Variants in DYNC1H1 observed in about 807,000 individuals in gnomAD.
DYNC1H1 encodes cytoplasmic dynein 1 heavy chain 1.
Under a neutral mutation model 527.1 loss-of-function variants are expected in DYNC1H1, and 51 were observed. The ratio of observed to expected loss-of-function variants is 0.10; its 90% CI spans 0.08 to 0.12. DYNC1H1 has a LOEUF of 0.12. Among genes scored for constraint, DYNC1H1 ranks in the 10% least tolerant of loss-of-function variants. DYNC1H1 has a pLI of 1.00. For missense variants in DYNC1H1, 2,771 were observed against 5,971.8 expected, an observed-to-expected ratio of 0.46 and a Z score of 17.66; for synonymous variants, 2,189 against 2,278.8, an observed-to-expected ratio of 0.96 and a Z score of 1.12.
At chr14:101,980,861 T>G (rs1566996854) in intron 5 of DYNC1H1, among the ~76,000 whole-genome samples, 1 of 152,212 alleles carries the variant, frequency 6.6e-6, no homozygotes, top group Non-Finnish European at 1.5e-5. Context: ...GGCTGTACAA[T>G]TGGCACAAAG....
rs2047663291 is a variant in DYNC1H1, at chr14:101,965,992, C to G, written c.256+1045C>G. Among the ~76,000 whole-genome samples the G allele has an allele frequency of 6.6e-6, 1 of 152,082 alleles. No individual in the cohort carries two copies. Among genetic ancestry groups the G allele is most frequent in the Admixed American group, 6.6e-5 (1 of 15,262 alleles). ...GGATTCATTACAACCACTTTGTAGCCCATTACAACCACTTTGGGTGTGGCG... is the reference window on the plus strand; with the variant it reads ...GGATTCATTACAACCACTTTGTAGCGCATTACAACCACTTTGGGTGTGGCG... On this transcript the variant is annotated intron_variant, in intron 1 of 77. Coordinates refer to ENST00000360184, the MANE Select transcript of DYNC1H1 (RefSeq NM_001376.5). This position sits in a 1 kb window ranked among gnomAD's most constrained non-coding sequence, Gnocchi z 4.1.
At position 101,985,908 on chromosome 14, in the gene DYNC1H1, G is replaced by A. The variant is rs1194411306; in HGVS notation, c.1683G>A (p.Glu561=). 6.2e-7 allele frequency: 1 copy of A among 1,614,124 alleles called. No homozygotes were observed. The highest frequency in any genetic ancestry group is 8.5e-7 in the Non-Finnish European group (1 of 1,180,054). The change falls in exon 8 of 78, where the codon GAG becomes GAA. Residue 561 remains glutamate (E), a synonymous_variant. Transcript: ENST00000360184. This position sits in a 1 kb window ranked among gnomAD's most constrained non-coding sequence, Gnocchi z 5.9. ...KRYDERIDRV[E]TRITARLRDQ... ...ACGATGAGAGGATCGACAGAGTGGAGACCCGGATCACCGCTCGCCTTCGGG... is the reference window on the plus strand; with the variant it reads ...ACGATGAGAGGATCGACAGAGTGGAAACCCGGATCACCGCTCGCCTTCGGG...
chr14:101,987,638 G>A lies in DYNC1H1; in HGVS notation c.2718+6G>A. On this transcript the variant is annotated splice_donor_region_variant and intron_variant, in intron 9 of 77. Transcript: ENST00000360184. ...TCAACAAGCTTGACATGGAGGTAAG[G>A]GATAGAATTTGCTAGCATTTTCCTC... The A allele has an allele frequency of 9.3e-6, 15 of 1,614,018 alleles. No individual in the cohort carries two copies. The highest frequency in any genetic ancestry group is 1.3e-5 in the Non-Finnish European group (15 of 1,180,004).
In DYNC1H1 at chr14:101,997,103, T is replaced by G; in HGVS notation, c.3633T>G (p.Ile1211Met). 6.2e-7 allele frequency: 1 copy of G among 1,614,250 alleles called. No homozygotes were observed. Among genetic ancestry groups the G allele is most frequent in the Non-Finnish European group, 8.5e-7 (1 of 1,180,050 alleles). ...AGTTCCCACCTTCCTGGCTTTATAT[T>G]GACAACATCGAGGGAGAGTGGGGAG... is the stretch of plus-strand genomic sequence containing the variant. Reference protein sequence around the residue: ...RFQFPPSWLYIDNIEGEWGAF... With the variant: ...RFQFPPSWLYMDNIEGEWGAF... Residue 1211 changes from isoleucine to methionine, a missense_variant, in exon 16 of 78, where the codon ATT becomes ATG. By Grantham distance (10) the Ile-to-Met change is conservative. This residue lies in a region of DYNC1H1 where 223 missense variants were observed against 462.5 expected (regional missense o/e 0.48). Transcript: ENST00000360184. The surrounding 1 kb of genome is among the most constrained non-coding windows in gnomAD (Gnocchi z 4.8).
intron 9 of DYNC1H1, 67 bp downstream of exon 9, chr14:101,987,699 G>A: frequency 3.2e-6 from 5 of 1,573,704 alleles, no homozygotes; most frequent in Non-Finnish European, 4.4e-6. Context: ...AAGCTTATTA[G>A]TTTGTCACTA....
chr14:101,991,750 G>A, intron 11 of DYNC1H1, 77 bp downstream of exon 11: 3 of 1,585,882 alleles, frequency 1.9e-6, no homozygotes, highest in Non-Finnish European at 2.6e-6. Flanking sequence ...TCTTCATGGT[G>A]CTTCTTTAGA....
At chr14:101,967,179 A>G (rs998407172) in intron 1 of DYNC1H1, among the ~76,000 whole-genome samples, 7 of 152,132 alleles carry the variant, frequency 4.6e-5, no homozygotes, top group Non-Finnish European at 1.0e-4. Flanking sequence ...CTTAGATATA[A>G]GTAGAGACCC....
intron 43 of DYNC1H1, among the ~76,000 whole-genome samples, chr14:102,026,246 A>T (rs1404344639): frequency 6.6e-6 from 1 of 152,110 alleles, no homozygotes; most frequent in Admixed American, 6.5e-5. Context: ...TGAGATTTTG[A>T]CTGGGATTAC....
rs1566991034 is a variant in DYNC1H1, at chr14:101,964,744, TGTC to T, written c.55_57del (p.Ser19del). 2.5e-6 allele frequency: 4 copies of T among 1,597,048 alleles called. No homozygotes were observed. The Admixed American group carries it at 5.1e-5, about 20-fold the overall frequency. On this transcript the variant is annotated inframe_deletion, in exon 1 of 78. Transcript: ENST00000360184. This position sits in a 1 kb window ranked among gnomAD's most constrained non-coding sequence, Gnocchi z 5.5. ...GAGGACGGCTCGGCCGGATTGGAAG[TGTC>T]GGCCGTGCAGAATGTGGCGGACGTG...
rs1339000930 is a variant in DYNC1H1, at chr14:102,039,193, A to G, written c.11399A>G (p.Gln3800Arg). Residue 3800 changes from glutamine (Q) to arginine (R), a missense_variant, in exon 60 of 78, where the codon CAG becomes CGG. Transcript: ENST00000360184. The surrounding 1 kb of genome is among the most constrained non-coding windows in gnomAD (Gnocchi z 7.0). ...CAGGAGGTGGAGACCGTGTCCCAGC[A>G]GTACCTCCCGCTCTCCACCGCCTGC... is the stretch of plus-strand genomic sequence containing the variant. ...VMQEVETVSQ[Q>R]YLPLSTACSS... is the part of the protein sequence containing the mutation. The G allele has an allele frequency of 6.2e-7, 1 of 1,614,164 alleles. No individual in the cohort carries two copies. The highest frequency in any genetic ancestry group is 1.7e-5 in the Admixed American group (1 of 60,018).
chr14:102,019,339 G>C (rs2048359598), intron 41 of DYNC1H1, among the ~76,000 whole-genome samples: 1 of 152,234 alleles, frequency 6.6e-6, no homozygotes, highest in African/African-American at 2.4e-5. Flanking sequence ...AGCCTCCCAT[G>C]GAGCCGCTGG....
intron 11 of DYNC1H1, 99 bp from the exon 12 acceptor site, chr14:101,994,085 G>A: frequency 1.3e-6 from 2 of 1,584,528 alleles, no homozygotes; most frequent in Non-Finnish European, 1.7e-6. Context: ...TTTTGGTCAT[G>A]AGCTTTTCTT....
intron 13 of DYNC1H1, 40 bp downstream of exon 13, chr14:101,994,889 G>T (rs746087067): frequency 6.2e-7 from 1 of 1,614,048 alleles, no homozygotes; most frequent in Non-Finnish European, 8.5e-7. Flanking sequence ...CACGGGTAGT[G>T]TAAAAGCAAC....
intron 7 of DYNC1H1, among the ~76,000 whole-genome samples, chr14:101,984,416 TGTGTG>T (rs1415709343): frequency 1.5e-5 from 2 of 135,882 alleles, no homozygotes; most frequent in Non-Finnish European, 3.1e-5. Flanking sequence ...TGTGTGTGTG[TGTGTG>T]TGTGTGTGTG....
At position 102,055,853 on chromosome 14, in the gene DYNC1H1, C is replaced by T. The variant is rs78157962; in HGVS notation, c.*5290C>T. On this transcript the variant is annotated 3_prime_UTR_variant, in exon 78 of 78. Transcript: ENST00000360184. Reference sequence around the variant, plus strand: ...CACTTCCCCGCCTGGCCCTGGGCCCCGCTATTCCATCTCAATCTCTGCCCT... The same window carrying T: ...CACTTCCCCGCCTGGCCCTGGGCCCTGCTATTCCATCTCAATCTCTGCCCT... 0.032 allele frequency: 4,830 copies of T among 152,560 alleles called. 84 individuals carry two copies. The highest frequency in any genetic ancestry group is 0.087 in the Middle Eastern group (26 of 298). 9.5% of individuals were successfully genotyped at this position (152,560 alleles called of 1,614,324 possible).
rs1486356001 is a variant in DYNC1H1 at position 102,049,280 on chromosome 14, C to T, written c.13373-160C>T. The T allele has an allele frequency of 1.1e-5, 11 of 977,430 alleles. No individual in the cohort carries two copies. The highest frequency in any genetic ancestry group is 4.3e-5 in the South Asian group (3 of 69,226). 60.5% of individuals were successfully genotyped at this position (977,430 alleles called of 1,614,324 possible). On this transcript the variant is annotated intron_variant, in intron 74 of 77. Coordinates refer to ENST00000360184, the MANE Select transcript of DYNC1H1 (RefSeq NM_001376.5). The surrounding 1 kb of genome is among the most constrained non-coding windows in gnomAD (Gnocchi z 5.5). Reference sequence around the variant, plus strand: ...TGAGCTAGAGCAGATGTGGTGAGGGCGGCGCCAGGGGCATAAAGTGCAGCC... The same window carrying T: ...TGAGCTAGAGCAGATGTGGTGAGGGTGGCGCCAGGGGCATAAAGTGCAGCC...
In DYNC1H1 at chr14:102,015,505, T is replaced by C. The variant is rs1477382987; in HGVS notation, c.7242+173T>C. 6.6e-6 allele frequency among the ~76,000 whole-genome samples: 1 copy of C among 152,182 alleles called. No homozygotes were observed. Among genetic ancestry groups the C allele is most frequent in the African/African-American group, 2.4e-5 (1 of 41,422 alleles). ...ATGAGTCACTGTACCCAGCCAACTT[T>C]TGTGTAATCAATGTTGTCTTCTGCC... is the stretch of plus-strand genomic sequence containing the variant. On this transcript the variant is annotated intron_variant, in intron 35 of 77. Transcript: ENST00000360184. The surrounding 1 kb of genome is among the most constrained non-coding windows in gnomAD (Gnocchi z 6.9).
rs758458056 is a variant in DYNC1H1, at chr14:102,054,564, C to CTTT, written c.*4021_*4023dup. 182 of 113,794 alleles carry CTTT rather than the reference C, an allele frequency of 1.6e-3. 1 individual carries two copies. Among genetic ancestry groups the CTTT allele is most frequent in the African/African-American group, 3.3e-3 (86 of 26,018 alleles). 7.0% of individuals were successfully genotyped at this position (113,794 alleles called of 1,614,324 possible). A position where few individuals can be genotyped will look rare whatever the true frequency, so the allele number is the denominator to read the frequency against. Reference sequence around the variant, plus strand: ...CATCACCAACAGAGCCTTTGCAGAACTTTTTTTTTTTTTTTTTTTTTTGAG... The same window carrying CTTT: ...CATCACCAACAGAGCCTTTGCAGAACTTTTTTTTTTTTTTTTTTTTTTTTTGAG... On this transcript the variant is annotated 3_prime_UTR_variant, in exon 78 of 78. Transcript: ENST00000360184.
In DYNC1H1 at chr14:102,039,483, G is replaced by T. The variant is rs372511563; in HGVS notation, c.11532G>T (p.Pro3844=). 1.9e-6 allele frequency: 3 copies of T among 1,614,196 alleles called. No homozygotes were observed. The highest frequency in any genetic ancestry group is 2.5e-6 in the Non-Finnish European group (3 of 1,180,046). The change falls in exon 61 of 78, where the codon CCG becomes CCT. Residue 3844 remains proline (P), a synonymous_variant. Transcript: ENST00000360184. This position sits in a 1 kb window ranked among gnomAD's most constrained non-coding sequence, Gnocchi z 7.0. The part of the protein sequence containing the change: ...DIYHNVLYEN[P]NLKGVTDHTQ... The stretch of plus-strand genomic sequence containing the variant: ...ATCACAACGTCCTATACGAGAACCC[G>T]AACCTGAAGGGTGTCACCGACCACA...
Sources: allele counts gnomAD v4.1 joint callset (sites outside exome capture counted in the v4.1 genomes callset), GRCh38; gene constraint gnomAD v4.1.1; regional missense constraint gnomAD v4.1.1; non-coding constraint Gnocchi (gnomAD v3.1); transcripts MANE v1.5; gene names NCBI Gene and HGNC (gene_info 2026-07-23, HGNC 2026-07-21).